The following SLC35D1 variants were observed in gnomAD, a reference collection of about 807,000 sequenced individuals.
The protein encoded by SLC35D1 is solute carrier family 35 member D1.
In SLC35D1, 31 loss-of-function variants were observed where a neutral mutation model predicts 46.7. The ratio of observed to expected loss-of-function variants is 0.66; its 90% CI spans 0.50 to 0.90. SLC35D1 has a LOEUF of 0.90. Among genes scored for constraint, SLC35D1 ranks in the 40% least tolerant of loss-of-function variants. SLC35D1 has a pLI of 0.00. For synonymous variants in SLC35D1, 195 were observed against 164.6 expected, an observed-to-expected ratio of 1.18 and a Z score of -1.41; for missense variants, 397 against 426.2, an observed-to-expected ratio of 0.93 and a Z score of 0.60.
chr1:66,986,001 CTGT>C, the SLC35D1 span: 2 of 989,530 alleles, frequency 2.0e-6, no homozygotes, highest in South Asian at 9.3e-5. Flanking sequence ...GACCAGAATC[CTGT>C]TATTTTTATA....
At chr1:67,018,027 T>C (rs533292011) in intron 10 of SLC35D1, among the ~76,000 whole-genome samples, 3 of 152,298 alleles carry the variant, frequency 2.0e-5, no homozygotes, top group African/African-American at 7.2e-5. Context: ...ATCTGACTTA[T>C]TTCTCACAGG....
intron 8 of SLC35D1, among the ~76,000 whole-genome samples, chr1:67,038,440 A>G (rs1236815459): frequency 6.6e-6 from 1 of 152,142 alleles, no homozygotes; most frequent in East Asian, 1.9e-4. Context: ...GCCTTGTGAG[A>G]TCTACAGCAA....
downstream of SLC35D1, among the ~76,000 whole-genome samples, chr1:66,997,003 C>A (rs1023411370): frequency 1.3e-5 from 2 of 152,072 alleles, no homozygotes; most frequent in African/African-American, 4.8e-5. Context: ...AAAATGTATT[C>A]AAGATCTAAA....
chr1:66,973,124 G>C, the SLC35D1 span: 1 of 586,198 alleles, frequency 1.7e-6, no homozygotes, highest in Non-Finnish European at 3.0e-6. Context: ...GGTATTTAGT[G>C]AGTAATTATA....
intron 11 of SLC35D1, chr1:67,008,346 C>T: frequency 4.6e-6 from 5 of 1,075,748 alleles, no homozygotes; most frequent in Non-Finnish European, 6.2e-6. Flanking sequence ...ACCATGTTGG[C>T]CAGGGTGGTC....
downstream of SLC35D1, among the ~76,000 whole-genome samples, chr1:66,998,952 T>C (rs973154174): frequency 4.6e-5 from 7 of 152,200 alleles, no homozygotes; most frequent in African/African-American, 1.7e-4. Flanking sequence ...AACTGTATGC[T>C]TAAAAATGTC....
intron 11 of SLC35D1, among the ~76,000 whole-genome samples, chr1:67,005,104 C>T (rs764047671): frequency 1.3e-5 from 2 of 152,134 alleles, no homozygotes; most frequent in African/African-American, 2.4e-5. Context: ...ACCTAGGATA[C>T]GCAGCCTCCT....
At chr1:66,981,583 C>T in the SLC35D1 span, among the ~76,000 whole-genome samples, 8 of 152,114 alleles carry the variant, frequency 5.3e-5, no homozygotes, top group Admixed American at 2.0e-4. Context: ...AGCCGTTATG[C>T]ATTTTTCCTA....
the SLC35D1 span, among the ~76,000 whole-genome samples, chr1:66,977,294 G>C: frequency 1.3e-5 from 2 of 152,132 alleles, no homozygotes; most frequent in South Asian, 4.2e-4. Context: ...ATTTTTATTA[G>C]AGACGGGGTT....
chr1:67,036,357 C>T (rs1668122940), intron 8 of SLC35D1, among the ~76,000 whole-genome samples: 1 of 151,986 alleles, frequency 6.6e-6, no homozygotes, highest in Non-Finnish European at 1.5e-5. Flanking sequence ...TATATCGGTG[C>T]ATTCTTGCAT....
chr1:66,981,010 T>A, the SLC35D1 span, among the ~76,000 whole-genome samples: 5,982 of 152,270 alleles, frequency 0.039, 147 homozygotes, highest in Non-Finnish European at 0.054. Flanking sequence ...TGGCTGACTT[T>A]TATTCTAGTG....
intron 11 of SLC35D1, among the ~76,000 whole-genome samples, chr1:67,006,924 G>C (rs1667462343): frequency 6.6e-6 from 1 of 151,526 alleles, no homozygotes; most frequent in African/African-American, 2.4e-5. Context: ...GAGCATTTTG[G>C]ATCACAGATG....
chr1:66,984,800 G>T, the SLC35D1 span: 1 of 1,613,968 alleles, frequency 6.2e-7, no homozygotes, highest in Non-Finnish European at 8.5e-7. Flanking sequence ...AAAAGGCGAA[G>T]GGTAAACAGC....
chr1:66,976,524 CTTCAGA>C, the SLC35D1 span: 12 of 1,452,686 alleles, frequency 8.3e-6, no homozygotes, highest in Non-Finnish European at 1.1e-5. Flanking sequence ...TATTTTCAAA[CTTCAGA>C]TGTTTATCAT....
Position 67,021,724 on chromosome 1 carries a change from G to GACACACACACAC in SLC35D1, c.730-134_730-123dup, listed in dbSNP as rs35069681. 1.8e-3 allele frequency: 763 copies of GACACACACACAC among 422,576 alleles called. 5 individuals carry two copies. In the African/African-American group the frequency reaches 0.022, roughly 12 times the overall value. The allele number at this position is 422,576 out of a possible 1,614,324, so 26.2% of individuals were successfully genotyped here. A position where few individuals can be genotyped will look rare whatever the true frequency, so the allele number is the denominator to read the frequency against. On this transcript the variant is annotated intron_variant, in intron 8 of 11. Coordinates refer to ENST00000235345, the MANE Select transcript of SLC35D1 (RefSeq NM_015139.3). ...AGACACAGACACAGACACAGACACA[G>GACACACACACAC]ACACACACACACACACACACACACA...
intron 10 of SLC35D1, among the ~76,000 whole-genome samples, chr1:67,015,416 A>T (rs1667665330): frequency 6.6e-6 from 1 of 151,880 alleles, no homozygotes. Context: ...TTGAGTCAGG[A>T]TCTCACTCTG....
intron 10 of SLC35D1, among the ~76,000 whole-genome samples, chr1:67,014,099 T>C (rs537067275): frequency 1.3e-5 from 2 of 152,320 alleles, no homozygotes; most frequent in South Asian, 2.1e-4. Flanking sequence ...TGTTGCTTAA[T>C]GGGCTCTGCC....
At chr1:67,047,393 GA>G (rs1553268374) in intron 6 of SLC35D1, 26 bp from the exon 7 acceptor site, 1 of 1,569,710 alleles carries the variant, frequency 6.4e-7, no homozygotes, top group Non-Finnish European at 8.8e-7. Context: ...AACACTTTAA[GA>G]ACAACTTAAA....
At position 67,045,316 on chromosome 1, in the gene SLC35D1, C is replaced by T. The variant is rs892550622; in HGVS notation, c.636+1949G>A. The stretch of plus-strand genomic sequence containing the variant: ...ATGTATTATTACATCTTATGATACA[C>T]TGTTACGCATCATAAATCTGTATTA... On this transcript the variant is annotated intron_variant, in intron 7 of 11. Transcript: ENST00000235345. 2.4e-4 allele frequency among the ~76,000 whole-genome samples: 37 copies of T among 152,236 alleles called. 1 individual carries two copies. The highest frequency in any genetic ancestry group is 6.5e-5 in the Admixed American group (1 of 15,290).
Sources: allele counts gnomAD v4.1 joint callset (sites outside exome capture counted in the v4.1 genomes callset), GRCh38; gene constraint gnomAD v4.1.1; transcripts MANE v1.5; gene names NCBI Gene and HGNC (gene_info 2026-07-23, HGNC 2026-07-21).